Variants in XIRP2 observed in about 807,000 individuals in gnomAD.
XIRP2 encodes xin actin binding repeat containing 2, also known as xin actin-binding repeat-containing protein 2.
Under a neutral mutation model 277.0 loss-of-function variants are expected in XIRP2, and 236 were observed. That is an observed-to-expected ratio of 0.85 (90% CI 0.77 to 0.95). The LOEUF (loss-of-function observed/expected upper bound fraction) is 0.95. Among genes scored for constraint, XIRP2 ranks in the 40% least tolerant of loss-of-function variants. The probability of loss-of-function intolerance (pLI) is 0.00; values close to 1 mark genes in which losing one functional copy is unlikely to be tolerated. For synonymous variants in XIRP2, 1,490 were observed against 1,416.5 expected (o/e 1.05, Z -1.17); for missense variants, 4,640 against 4,157.5 (o/e 1.12, Z -3.19).
intron 2 of XIRP2, among the ~76,000 whole-genome samples, chr2:166,979,639 G>T (rs1396391374): frequency 4.6e-5 from 7 of 151,890 alleles, no homozygotes; most frequent in Non-Finnish European, 8.8e-5. Flanking sequence ...CATTCATTGA[G>T]ATAATGTAAT....
chr2:166,900,625 G>T (rs904467752), intron 1 of XIRP2, among the ~76,000 whole-genome samples: 3 of 152,132 alleles, frequency 2.0e-5, no homozygotes, highest in Non-Finnish European at 2.9e-5. Context: ...ACTCCCTGAA[G>T]AAGGGTGTTC....
intron 3 of XIRP2, among the ~76,000 whole-genome samples, chr2:167,148,555 G>A (rs547430244): frequency 6.9e-4 from 105 of 151,804 alleles, no homozygotes; most frequent in South Asian, 1.0e-3. Flanking sequence ...TTAGAGTATC[G>A]AAAACTGCAA....
intron 5 of XIRP2, among the ~76,000 whole-genome samples, chr2:167,232,190 A>G (rs1449133325): frequency 1.3e-5 from 2 of 151,994 alleles, no homozygotes; most frequent in Non-Finnish European, 2.9e-5. Flanking sequence ...CTTTTAGGCA[A>G]AGAAGAATCG....
chr2:167,119,457 G>A (rs1273862057), intron 2 of XIRP2, among the ~76,000 whole-genome samples: 3 of 152,200 alleles, frequency 2.0e-5, no homozygotes, highest in Admixed American at 1.3e-4. Flanking sequence ...GAGCAAATAT[G>A]TGACTTATTT....
At chr2:167,036,680 A>G (rs1166886042) in intron 2 of XIRP2, among the ~76,000 whole-genome samples, 1 of 151,906 alleles carries the variant, frequency 6.6e-6, no homozygotes, top group Non-Finnish European at 1.5e-5. Flanking sequence ...GGAAAGCATG[A>G]TTGGTTTTGA....
chr2:167,253,115 C>A (rs1381864427), intron 9 of XIRP2, among the ~76,000 whole-genome samples: 5 of 151,828 alleles, frequency 3.3e-5, no homozygotes, highest in Admixed American at 6.6e-5. Flanking sequence ...TATAATGGAA[C>A]CTGAGCATAT....
intron 3 of XIRP2, among the ~76,000 whole-genome samples, chr2:167,208,468 T>C (rs1232492209): frequency 6.6e-6 from 1 of 152,070 alleles, no homozygotes; most frequent in Non-Finnish European, 1.5e-5. Context: ...CCACCATGCC[T>C]GGCTAATTTT....
At chr2:166,936,655 T>C (rs1685526254) in intron 2 of XIRP2, among the ~76,000 whole-genome samples, 1 of 152,190 alleles carries the variant, frequency 6.6e-6, no homozygotes, top group African/African-American at 2.4e-5. Context: ...CCCAGAACCA[T>C]TTATTAAATA....
intron 3 of XIRP2, among the ~76,000 whole-genome samples, chr2:167,201,256 A>AAGGG (rs1693701880): frequency 5.9e-5 from 6 of 101,278 alleles, no homozygotes; most frequent in African/African-American, 2.4e-4. Context: ...GAAAGAAAGA[A>AAGGG]AGAAAGAGAG....
chr2:167,017,888 A>G (rs1308364097), intron 2 of XIRP2, among the ~76,000 whole-genome samples: 6 of 151,938 alleles, frequency 3.9e-5, no homozygotes, highest in African/African-American at 7.2e-5. Flanking sequence ...AGTTTTCCCA[A>G]CCAGATCCAT....
intron 3 of XIRP2, among the ~76,000 whole-genome samples, chr2:167,201,409 C>G (rs951040659): frequency 2.9e-5 from 4 of 138,330 alleles, no homozygotes; most frequent in Non-Finnish European, 6.0e-5. Context: ...CAGTATATAC[C>G]TGTGATGCGG....
At chr2:167,091,113 G>C (rs1690134508) in intron 2 of XIRP2, among the ~76,000 whole-genome samples, 1 of 152,036 alleles carries the variant, frequency 6.6e-6, no homozygotes, top group Non-Finnish European at 1.5e-5. Flanking sequence ...TTACTTCTTT[G>C]AATGTGAGCT....
chr2:166,934,015 A>G (rs1350651541), intron 2 of XIRP2, among the ~76,000 whole-genome samples: 1 of 152,064 alleles, frequency 6.6e-6, no homozygotes, highest in Non-Finnish European at 1.5e-5. Context: ...TGAGAATTAC[A>G]GGAGTGTGAG....
At chr2:167,070,906 T>C (rs1440415154) in intron 2 of XIRP2, among the ~76,000 whole-genome samples, 1 of 152,224 alleles carries the variant, frequency 6.6e-6, no homozygotes, top group Non-Finnish European at 1.5e-5. Flanking sequence ...CTTGAGAGTT[T>C]ATCTGTTGAC....
intron 3 of XIRP2, among the ~76,000 whole-genome samples, chr2:167,168,045 A>G: frequency 6.6e-6 from 1 of 152,072 alleles, no homozygotes; most frequent in South Asian, 2.1e-4. Context: ...TGTATATTTC[A>G]CTTCACTCTC....
intron 2 of XIRP2, among the ~76,000 whole-genome samples, chr2:167,010,148 T>C (rs903238900): frequency 6.6e-6 from 1 of 152,180 alleles, no homozygotes; most frequent in Non-Finnish European, 1.5e-5. Context: ...CCCATGCCTA[T>C]GTCCTGAATG....
Position 167,247,688 on chromosome 2 carries a change from AC to A in XIRP2, c.6297del (p.Asp2099GlufsTer4). The A allele has an allele frequency of 1.9e-6, 3 of 1,613,654 alleles. No individual in the cohort carries two copies. The highest frequency in any genetic ancestry group is 2.5e-6 in the Non-Finnish European group (3 of 1,179,746). ...VKNNLTTKES[D>X]RAVRELKKDD... The stretch of plus-strand genomic sequence containing the variant: ...AATAATCTAACAACTAAAGAATCAG[AC>A]AGGGCAGTGAGAGAGCTGAAGAAGG... On this transcript the variant is annotated frameshift_variant, in exon 9 of 11. Coordinates refer to ENST00000409195, the MANE Select transcript of XIRP2 (RefSeq NM_152381.6). LOFTEE classifies it high-confidence loss of function.
chr2:167,154,961 C>G (rs1204944112), intron 3 of XIRP2, among the ~76,000 whole-genome samples: 1 of 151,644 alleles, frequency 6.6e-6, no homozygotes, highest in Non-Finnish European at 1.5e-5. Context: ...GAGAATACTA[C>G]AAACACCTCT....
In XIRP2 at chr2:167,243,557, T is replaced by C. The variant is rs1243409371; in HGVS notation, c.2165T>C (p.Leu722Pro). Residue 722 changes from leucine (L) to proline (P), a missense_variant, in exon 9 of 11, where the codon CTC becomes CCC. By Grantham distance (98) the Leu-to-Pro change is moderately conservative (BLOSUM62 -3). Transcript: ENST00000409195. ...EVHLLQLRSE[L>P]KEIKGNVKRS... ...CATTTACTGCAGCTTAGGTCTGAGC[T>C]CAAAGAAATTAAGGGAAATGTTAAA... 6.2e-7 allele frequency: 1 copy of C among 1,613,964 alleles called. No homozygotes were observed. Among genetic ancestry groups the C allele is most frequent in the Non-Finnish European group, 8.5e-7 (1 of 1,179,988 alleles).
Sources: allele counts gnomAD v4.1 joint callset (sites outside exome capture counted in the v4.1 genomes callset), GRCh38; gene constraint gnomAD v4.1.1; transcripts MANE v1.5; gene names NCBI Gene and HGNC (gene_info 2026-07-23, HGNC 2026-07-21).